NLRP1: variants seen among roughly 807,000 people sequenced by gnomAD.
The protein encoded by NLRP1 is NLR family pyrin domain containing 1, also known as NACHT, LRR and PYD domains-containing protein 1.
NLRP1 carries 94 observed loss-of-function variants against 136.7 expected under a neutral mutation model. The ratio of observed to expected loss-of-function variants is 0.69; its 90% CI spans 0.58 to 0.82. The LOEUF (loss-of-function observed/expected upper bound fraction) is 0.82, where lower values mean the gene tolerates loss of function less well. Ranked by LOEUF, NLRP1 falls within the 40% of genes least tolerant of loss-of-function variation. NLRP1 has a pLI of 0.00. For synonymous variants in NLRP1, 690 were observed against 725.1 expected (o/e 0.95, Z 0.78); for missense variants, 1,575 against 1,802.7 (o/e 0.87, Z 2.29).
chr17:5,532,862 C>T lies in NLRP1; in HGVS notation c.3256G>A (p.Val1086Met). 2 of 1,611,652 alleles carry T rather than the reference C, an allele frequency of 1.2e-6. No individual in the cohort carries two copies. The highest frequency in any genetic ancestry group is 1.3e-5 in the African/African-American group (1 of 74,860). Residue 1086 changes from valine to methionine, a missense_variant, in exon 11 of 17, where the codon GTG (valine) becomes ATG (methionine). Coordinates refer to ENST00000572272, the MANE Select transcript of NLRP1 (RefSeq NM_033004.4). ...DDDFWGPTGP[V>M]ATEVVDKEKN... The stretch of plus-strand genomic sequence containing the variant: ...TCTTTGTCAACTACCTCAGTAGCCA[C>T]AGGCCCCGTGGGGCCCCAGAAGTCA...
At position 5,583,760 on chromosome 17, in the gene NLRP1, G is replaced by C; in HGVS notation, c.198C>G (p.Ala66=). 1 of 1,553,110 alleles carries C rather than the reference G, an allele frequency of 6.4e-7. No homozygotes were observed. The highest frequency in any genetic ancestry group is 1.4e-5 in the African/African-American group (1 of 73,242). Residue 66 remains alanine (A), a synonymous_variant, in exon 1 of 17, where the codon GCC becomes GCG. Transcript: ENST00000572272. This position sits in a 1 kb window ranked among gnomAD's most constrained non-coding sequence, Gnocchi z 4.5. ...CCCAGGTATGGAGGGCTAGGTCCCA[G>C]GCCCGCTGCTCCCCATACTGAGCCA... ...YLVAQYGEQR[A]WDLALHTWEQ... is the part of the protein sequence containing the mutation.
chr17:5,519,274 T>C (rs1908568776), intron 14 of NLRP1, among the ~76,000 whole-genome samples: 1 of 152,086 alleles, frequency 6.6e-6, no homozygotes, highest in South Asian at 2.1e-4. Flanking sequence ...AGTGCTGGGA[T>C]TACAGGCTTG....
At chr17:5,519,979 CCT>C (rs1908690117) in intron 14 of NLRP1, among the ~76,000 whole-genome samples, 2 of 151,420 alleles carry the variant, frequency 1.3e-5, no homozygotes, top group Admixed American at 6.6e-5. Context: ...GCCTCAGCCC[CCT>C]GAGTAGCTGG....
chr17:5,546,527 A>G (rs947529196), intron 5 of NLRP1, among the ~76,000 whole-genome samples: 5 of 151,998 alleles, frequency 3.3e-5, no homozygotes, highest in Non-Finnish European at 7.4e-5. Context: ...ACTCCCGCCA[A>G]TTTCTCCTTT....
intron 8 of NLRP1, among the ~76,000 whole-genome samples, 191 bp from the exon 9 acceptor site, chr17:5,534,179 T>C (rs574014477): frequency 5.3e-5 from 8 of 152,144 alleles, no homozygotes; most frequent in African/African-American, 1.7e-4. Context: ...TTGGGTAACA[T>C]AGTGAGACCT....
intron 12 of NLRP1, among the ~76,000 whole-genome samples, chr17:5,524,628 G>C (rs2151746666): frequency 6.6e-6 from 1 of 152,328 alleles, no homozygotes; most frequent in South Asian, 2.1e-4. Context: ...GTCTCATCCT[G>C]ACCTCCAAAG....
At chr17:5,515,850 CA>C (rs1219753274) in intron 15 of NLRP1, among the ~76,000 whole-genome samples, 1 of 152,118 alleles carries the variant, frequency 6.6e-6, no homozygotes, top group Non-Finnish European at 1.5e-5. Context: ...GTGAACTAAC[CA>C]AACCCCTTGC....
intron 3 of NLRP1, among the ~76,000 whole-genome samples, chr17:5,571,663 C>A (rs918153515): frequency 6.6e-6 from 1 of 152,116 alleles, no homozygotes. Context: ...TTGTTAAAAT[C>A]GCCATACTAC....
At chr17:5,556,159 CACAT>C (rs66676522) in intron 4 of NLRP1, among the ~76,000 whole-genome samples, 4,176 of 127,694 alleles carry the variant, frequency 0.033, 95 homozygotes, top group Non-Finnish European at 0.047. Flanking sequence ...CACACACACA[CACAT>C]GAAGGGCTGG....
chr17:5,521,616 C>T lies in NLRP1; in HGVS notation c.3691G>A (p.Val1231Ile), dbSNP rs114529583. Residue 1231 changes from valine (V) to isoleucine (I), a missense_variant, in exon 13 of 17, where the codon GTC becomes ATC. Val to Ile is a conservative substitution (Grantham distance 29). Coordinates refer to ENST00000572272, the MANE Select transcript of NLRP1 (RefSeq NM_033004.4). ...TGGTAAAGCAACACCACAGAGGTGA[C>T]GGGAATGAAGCGCAGGGCATTATGG... Reference protein sequence around the residue: ...MIHNALRFIPVTSVVLLYHRV... With the variant: ...MIHNALRFIPITSVVLLYHRV... 3.2e-3 allele frequency: 5,164 copies of T among 1,614,070 alleles called. 52 individuals are homozygous for T. Among genetic ancestry groups the T allele is most frequent in the African/African-American group, 0.022 (1,661 of 75,012 alleles).
At chr17:5,527,464 G>C (rs907513179) in intron 12 of NLRP1, among the ~76,000 whole-genome samples, 2 of 152,106 alleles carry the variant, frequency 1.3e-5, no homozygotes, top group African/African-American at 4.8e-5. Flanking sequence ...ATGGGCTTGG[G>C]CAGGACTGGG....
intron 4 of NLRP1, among the ~76,000 whole-genome samples, chr17:5,554,517 A>G (rs1034072837): frequency 6.6e-6 from 1 of 152,278 alleles, no homozygotes; most frequent in Admixed American, 6.5e-5. Context: ...CTGCAGAGCC[A>G]TGTGGGGGCA....
downstream of NLRP1, chr17:5,512,602 G>A: frequency 2.1e-6 from 1 of 477,524 alleles, no homozygotes; most frequent in South Asian, 2.2e-5. Flanking sequence ...GGGCGTGAAG[G>A]ACCCGAAAGA....
rs1328582258 is a variant in NLRP1 at position 5,541,867 on chromosome 17, G to T, written c.2689C>A (p.Gln897Lys). The T allele has an allele frequency of 9.9e-6, 16 of 1,613,864 alleles. No individual in the cohort carries two copies. Among genetic ancestry groups the T allele is most frequent in the Non-Finnish European group, 1.4e-5 (16 of 1,180,010 alleles). ...ACCAAGAACAATTACTGCAGTCGCT[G>T]TAGCTTGCAGCTCGGCTGTCTCAGT... Reference protein sequence around the residue: ...QRLRQPSCKLQRLQLVSCGLT... With the variant: ...QRLRQPSCKLKRLQLVSCGLT... Residue 897 changes from glutamine to lysine, a missense_variant, in exon 6 of 17, where the codon CAG becomes AAG. Gln to Lys is a moderately conservative substitution (Grantham distance 53). Coordinates refer to ENST00000572272, the MANE Select transcript of NLRP1 (RefSeq NM_033004.4). This position sits in a 1 kb window ranked among gnomAD's most constrained non-coding sequence, Gnocchi z 4.2.
At chr17:5,562,305 C>T (rs1914849461) in intron 3 of NLRP1, among the ~76,000 whole-genome samples, 1 of 152,256 alleles carries the variant, frequency 6.6e-6, no homozygotes, top group African/African-American at 2.4e-5. Flanking sequence ...GGGAAGAGCC[C>T]TCATTCTCTT....
chr17:5,518,383 G>C (rs981069876), intron 14 of NLRP1: 1 of 153,942 alleles, frequency 6.5e-6, no homozygotes, highest in Admixed American at 6.4e-5. Context: ...CTCCAAACTC[G>C]GAATCATGCT....
At chr17:5,553,598 G>T (rs1212998520) in intron 4 of NLRP1, 42 bp from the exon 5 acceptor site, 1 of 1,583,882 alleles carries the variant, frequency 6.3e-7, no homozygotes, top group African/African-American at 1.3e-5. Flanking sequence ...TGATGTGTCT[G>T]GCAGGGGTTT....
chr17:5,544,694 A>C lies in NLRP1; in HGVS notation c.2529-2667T>G, dbSNP rs189864615. Among the ~76,000 whole-genome samples, 364 of 152,344 alleles carry C rather than the reference A, an allele frequency of 2.4e-3. 6 individuals are homozygous for C. Among genetic ancestry groups the C allele is most frequent in the Admixed American group, 0.023 (348 of 15,312 alleles). On this transcript the variant is annotated intron_variant, in intron 5 of 16. Transcript: ENST00000572272. Reference sequence around the variant, plus strand: ...GAAAGAAAAAGCTCTGTATCGTAGTACCTTTAACAGCACTTTCATCCTGAC... The same window carrying C: ...GAAAGAAAAAGCTCTGTATCGTAGTCCCTTTAACAGCACTTTCATCCTGAC...
chr17:5,553,327 C>T lies in NLRP1; in HGVS notation c.2528+59G>A. The stretch of plus-strand genomic sequence containing the variant: ...GACAAATCCCTCAGCCCAGACTCAG[C>T]TTCTGCCTTGGATCTCTTCCCCATC... On this transcript the variant is annotated intron_variant, in intron 5 of 16. Transcript: ENST00000572272. The T allele has an allele frequency of 4.8e-6, 7 of 1,472,670 alleles. No homozygotes were observed. The East Asian group carries it at 1.2e-4, about 25-fold the overall frequency. The allele number at this position is 1,472,670 out of a possible 1,614,324, so 91.2% of individuals were successfully genotyped here.
Sources: allele counts gnomAD v4.1 joint callset (sites outside exome capture counted in the v4.1 genomes callset), GRCh38; gene constraint gnomAD v4.1.1; non-coding constraint Gnocchi (gnomAD v3.1); transcripts MANE v1.5; gene names NCBI Gene and HGNC (gene_info 2026-07-23, HGNC 2026-07-21).